The following CXCL9 variants were observed in gnomAD, a reference collection of about 807,000 sequenced individuals.
CXCL9 encodes C-X-C motif chemokine 9.
Under a neutral mutation model 11.7 loss-of-function variants are expected in CXCL9, and 8 were observed. The observed-to-expected ratio is 0.68, with a 90% CI of 0.40 to 1.23. CXCL9 has a LOEUF of 1.23. CXCL9 is among the 50% of genes most tolerant of loss of function. The pLI, the probability that CXCL9 is intolerant of heterozygous loss-of-function variation, is 0.01. For synonymous variants in CXCL9, 43 were observed against 48.2 expected (o/e 0.89, Z 0.45); for missense variants, 133 against 141.7 (o/e 0.94, Z 0.31).
Position 76,004,818 on chromosome 4 carries a change from C to T in CXCL9, c.267G>A (p.Trp89Ter). The change falls in exon 3 of 4, where the codon TGG becomes TGA. Residue 89 changes from tryptophan to a stop codon, truncating the protein, a stop_gained. Transcript: ENST00000264888. LOFTEE classifies it low-confidence loss of function (END_TRUNC). ...SADVKELIKK[W>*]EKQVSQKKKQ... ...CTTCCTTTTCACCAACCTGTTTCTC[C>T]CACTTTTTAATCAGTTCCTTCACAT... 1.0e-5 allele frequency: 16 copies of T among 1,594,056 alleles called. No homozygotes were observed. Among genetic ancestry groups the T allele is most frequent in the Non-Finnish European group, 1.3e-5 (15 of 1,173,418 alleles).
chr4:76,004,314 C>T (rs1731536284), intron 3 of CXCL9, among the ~76,000 whole-genome samples: 1 of 152,158 alleles, frequency 6.6e-6, no homozygotes, highest in African/African-American at 2.4e-5. Context: ...ACCTTCCTGG[C>T]AAATTATTTA....
rs116751816 is a variant in CXCL9, at chr4:76,003,357, A to C, written c.*241T>G. 105 of 466,798 alleles carry C rather than the reference A, an allele frequency of 2.2e-4. No individual in the cohort carries two copies. The highest frequency in any genetic ancestry group is 1.9e-3 in the African/African-American group (95 of 49,564). The allele number at this position is 466,798 out of a possible 1,614,324, so 28.9% of individuals were successfully genotyped here. On this transcript the variant is annotated 3_prime_UTR_variant, in exon 4 of 4. Transcript: ENST00000264888. ...TATTGCTAAAATCATGGCCTTAAGC[A>C]TGATGAAATTCAACTGGTGGGTGGT...
chr4:76,005,028 A>G, intron 2 of CXCL9, 135 bp from the exon 3 acceptor site: 1 of 1,257,710 alleles, frequency 8.0e-7, no homozygotes, highest in South Asian at 2.8e-5. Flanking sequence ...CTAGGACAAG[A>G]TGAGTCACTG....
At position 76,004,804 on chromosome 4, in the gene CXCL9, C is replaced by T; in HGVS notation, c.276+5G>A. ...AAGAAAATTTTGATCTTCCTTTTCACCAACCTGTTTCTCCCACTTTTTAAT... is the reference window on the plus strand; with the variant it reads ...AAGAAAATTTTGATCTTCCTTTTCATCAACCTGTTTCTCCCACTTTTTAAT... On this transcript the variant is annotated splice_donor_5th_base_variant and intron_variant, in intron 3 of 3. Coordinates refer to ENST00000264888, the MANE Select transcript of CXCL9 (RefSeq NM_002416.3). 6.3e-7 allele frequency: 1 copy of T among 1,587,864 alleles called. No individual in the cohort carries two copies. The highest frequency in any genetic ancestry group is 1.2e-5 in the South Asian group (1 of 84,486).
At chr4:76,006,308 T>C (rs1731586209) in intron 1 of CXCL9, 34 bp from the exon 2 acceptor site, 1 of 1,590,462 alleles carries the variant, frequency 6.3e-7, no homozygotes, top group Non-Finnish European at 8.6e-7. Flanking sequence ...CACATCAGTA[T>C]AGGCCAATGT....
chr4:76,001,968 TCCACTAACCG>T lies in CXCL9; in HGVS notation c.*1620_*1629del, dbSNP rs1351345994. The T allele has an allele frequency of 4.3e-6, 1 of 231,112 alleles. No individual in the cohort carries two copies. 14.3% of individuals were successfully genotyped at this position (231,112 alleles called of 1,614,324 possible). A position where few individuals can be genotyped will look rare whatever the true frequency, so the allele number is the denominator to read the frequency against. On this transcript the variant is annotated 3_prime_UTR_variant, in exon 4 of 4. Coordinates refer to ENST00000264888, the MANE Select transcript of CXCL9 (RefSeq NM_002416.3). ...AGGCTAACTGGGCACCAATCATGCT[TCCACTAACCG>T]ACTTGGCTGCTTCCTCTAGCGCTTA...
intron 3 of CXCL9, 142 bp from the exon 4 acceptor site, chr4:76,003,841 C>T: frequency 3.3e-6 from 2 of 610,288 alleles, no homozygotes; most frequent in Non-Finnish European, 5.8e-6. Context: ...GAGGGGCTCC[C>T]TTAGATTCTC....
In CXCL9 at chr4:76,002,747, G is replaced by C. The variant is rs1315621648; in HGVS notation, c.*851C>G. ...TAAGATAATTTGTGTGTCCAAAAAG[G>C]TTTATTTAAGAGGCAGGACTTGAAC... On this transcript the variant is annotated 3_prime_UTR_variant, in exon 4 of 4. Coordinates refer to ENST00000264888, the MANE Select transcript of CXCL9 (RefSeq NM_002416.3). 1 of 171,600 alleles carries C rather than the reference G, an allele frequency of 5.8e-6. No homozygotes were observed. The highest frequency in any genetic ancestry group is 1.2e-5 in the Non-Finnish European group (1 of 81,256). 10.6% of individuals were successfully genotyped at this position (171,600 alleles called of 1,614,324 possible).
At position 76,007,466 on chromosome 4, in the gene CXCL9, T is replaced by A. The variant is rs765556357; in HGVS notation, c.-17A>T. On this transcript the variant is annotated 5_prime_UTR_variant, in exon 1 of 4. Transcript: ENST00000264888. ...TTTCTTCATAGTGATAGAATGGAGT[T>A]CCAAGTCACTCCTGTATTGGATTTT... 4 of 1,400,418 alleles carry A rather than the reference T, an allele frequency of 2.9e-6. No homozygotes were observed. The highest frequency in any genetic ancestry group is 4.1e-6 in the Non-Finnish European group (4 of 984,842). The allele number at this position is 1,400,418 out of a possible 1,614,324, so 86.7% of individuals were successfully genotyped here.
intron 1 of CXCL9, among the ~76,000 whole-genome samples, chr4:76,007,091 G>GT (rs1175976498): frequency 1.3e-5 from 2 of 152,130 alleles, no homozygotes; most frequent in African/African-American, 4.8e-5. Flanking sequence ...GCAAAAAACA[G>GT]TATCAGGGAG....
Position 76,002,474 on chromosome 4 carries a change from A to G in CXCL9, c.*1124T>C. ...GGCTAGCCAACATGGAGTAGCCAGG[A>G]AAGAGCCAGCACCTGCTCTGAGACA... On this transcript the variant is annotated 3_prime_UTR_variant, in exon 4 of 4. Transcript: ENST00000264888. The G allele has an allele frequency of 5.0e-6, 2 of 397,722 alleles. No homozygotes were observed. Among genetic ancestry groups the G allele is most frequent in the East Asian group, 3.6e-5 (1 of 28,058 alleles). The allele number at this position is 397,722 out of a possible 1,614,324, so 24.6% of individuals were successfully genotyped here. A position where few individuals can be genotyped will look rare whatever the true frequency, so the allele number is the denominator to read the frequency against.
intron 2 of CXCL9, chr4:76,005,856 A>G: frequency 3.6e-6 from 1 of 275,146 alleles, no homozygotes; most frequent in Non-Finnish European, 7.1e-6. Context: ...TAAGGGGTTA[A>G]CAGTATTTGT....
At position 76,003,485 on chromosome 4, in the gene CXCL9, T is replaced by C; in HGVS notation, c.*113A>G. ...CAATTTCAGAGTAATGTTTTAAATT[T>C]TCTAGTCAAATTAATAAGCCTTTGT... On this transcript the variant is annotated 3_prime_UTR_variant, in exon 4 of 4. Transcript: ENST00000264888. The C allele has an allele frequency of 3.3e-6, 2 of 605,458 alleles. No homozygotes were observed. The highest frequency in any genetic ancestry group is 5.7e-5 in the East Asian group (2 of 35,182). The allele number at this position is 605,458 out of a possible 1,614,324, so 37.5% of individuals were successfully genotyped here.
intron 1 of CXCL9, among the ~76,000 whole-genome samples, 175 bp downstream of exon 1, chr4:76,007,211 T>C (rs951001897): frequency 2.0e-5 from 3 of 152,230 alleles, no homozygotes; most frequent in Non-Finnish European, 4.4e-5. Flanking sequence ...TGTGTTTGAC[T>C]TGGCAGATCG....
Position 76,004,881 on chromosome 4 carries a change from C to T in CXCL9, c.204G>A (p.Lys68=), listed in dbSNP as rs1731555154. Residue 68 remains lysine (K), a synonymous_variant, in exon 3 of 4, where the codon AAG becomes AAA. Transcript: ENST00000264888. Reference sequence around the variant, plus strand: ...GGTTTAGACATGTTTGAACTCCATTCTTCAGTGTAGCACTGCCAAAGAAAT... The same window carrying T: ...GGTTTAGACATGTTTGAACTCCATTTTTCAGTGTAGCACTGCCAAAGAAAT... The part of the protein sequence containing the change: ...CEKIEIIATL[K]NGVQTCLNPD... 1 of 1,604,204 alleles carries T rather than the reference C, an allele frequency of 6.2e-7. No homozygotes were observed. The highest frequency in any genetic ancestry group is 8.5e-7 in the Non-Finnish European group (1 of 1,176,450).
At chr4:76,004,244 G>A (rs1459349514) in intron 3 of CXCL9, among the ~76,000 whole-genome samples, 1 of 152,072 alleles carries the variant, frequency 6.6e-6, no homozygotes, top group Non-Finnish European at 1.5e-5. Context: ...CACATTAATG[G>A]AGGCTCCCTG....
Position 76,001,823 on chromosome 4 carries a change from A to G in CXCL9, c.*1775T>C, listed in dbSNP as rs1228801028. On this transcript the variant is annotated 3_prime_UTR_variant, in exon 4 of 4. Transcript: ENST00000264888. The stretch of plus-strand genomic sequence containing the variant: ...CCACCGGACAGCACTCTAAATCATC[A>G]GCAGTGTGAGCAGTGATTCAATTTG... 1 of 160,314 alleles carries G rather than the reference A, an allele frequency of 6.2e-6. No individual in the cohort carries two copies. The highest frequency in any genetic ancestry group is 1.4e-5 in the Non-Finnish European group (1 of 73,526). The allele number at this position is 160,314 out of a possible 1,614,324, so 9.9% of individuals were successfully genotyped here.
In CXCL9 at chr4:76,006,721, G is replaced by A. The variant is rs150046172; in HGVS notation, c.65-447C>T. Among the ~76,000 whole-genome samples, 391 of 152,304 alleles carry A rather than the reference G, an allele frequency of 2.6e-3. 1 individual carries two copies. Among genetic ancestry groups the A allele is most frequent in the African/African-American group, 8.8e-3 (366 of 41,568 alleles). ...TCTGACCTTAAGGAATGGAACTGGT[G>A]TTGGTGTTGAATAGAAAGCACTCCT... On this transcript the variant is annotated intron_variant, in intron 1 of 3. Transcript: ENST00000264888.
chr4:76,004,947 T>A, intron 2 of CXCL9, 54 bp from the exon 3 acceptor site: 1 of 1,477,716 alleles, frequency 6.8e-7, no homozygotes, highest in Non-Finnish European at 9.0e-7. Flanking sequence ...TTTAAATGCT[T>A]CTTCTCAGAA....
Sources: gnomAD v4.1 joint callset for allele counts (sites outside exome capture counted in the v4.1 genomes callset) on GRCh38, gnomAD v4.1.1 for gene constraint, MANE v1.5 for transcripts, NCBI Gene and HGNC (gene_info 2026-07-23, HGNC 2026-07-21) for gene names.